ACTN2: variants seen among roughly 807,000 people sequenced by gnomAD.
ACTN2 encodes alpha-actinin-2.
A neutral mutation model predicts 113.8 loss-of-function variants in ACTN2; 39 were observed. The observed-to-expected ratio is 0.34, with a 90% CI of 0.27 to 0.45. ACTN2 has a LOEUF of 0.45. Among genes scored for constraint, ACTN2 ranks in the 20% least tolerant of loss-of-function variants. The pLI is 1.00. For missense variants in ACTN2, 992 were observed against 1,177.9 expected (o/e 0.84, Z 2.31); for synonymous variants, 429 against 444.1 (o/e 0.97, Z 0.43).
intron 1 of ACTN2, among the ~76,000 whole-genome samples, chr1:236,709,283 T>C (rs1270035780): frequency 7.1e-6 from 1 of 140,484 alleles, no homozygotes; most frequent in East Asian, 2.0e-4. Context: ...TATATATGTA[T>C]ATATATGTAT....
At chr1:236,744,520 C>T in intron 11 of ACTN2, 106 bp from the exon 12 acceptor site, 1 of 1,383,750 alleles carries the variant, frequency 7.2e-7, no homozygotes, top group Non-Finnish European at 1.0e-6. Context: ...TCTCTGTCCC[C>T]TTCTCTTGGT....
chr1:236,718,027 C>G, intron 2 of ACTN2, 55 bp downstream of exon 2: 1 of 1,371,078 alleles, frequency 7.3e-7, no homozygotes, highest in Non-Finnish European at 1.0e-6. Context: ...AGGTGAGCAT[C>G]TATTTAAAGA....
chr1:236,738,756 C>T (rs1017367868), intron 9 of ACTN2, among the ~76,000 whole-genome samples: 1 of 152,168 alleles, frequency 6.6e-6, no homozygotes, highest in African/African-American at 2.4e-5. Flanking sequence ...CTACCACGTT[C>T]GCTTTTATCA....
intron 1 of ACTN2, among the ~76,000 whole-genome samples, chr1:236,694,483 A>G (rs2102861599): frequency 6.6e-6 from 1 of 152,040 alleles, no homozygotes; most frequent in African/African-American, 2.4e-5. Flanking sequence ...TCGACCTCAC[A>G]AAGTGCTGGG....
intron 18 of ACTN2, among the ~76,000 whole-genome samples, chr1:236,759,452 TC>T (rs1359008175): frequency 3.9e-5 from 6 of 152,330 alleles, no homozygotes; most frequent in Admixed American, 1.3e-4. Flanking sequence ...AGTAGTGAGC[TC>T]CTGACTAGTT....
intron 11 of ACTN2, 118 bp downstream of exon 11, chr1:236,743,161 G>A (rs1043989907): frequency 1.7e-5 from 21 of 1,260,090 alleles, no homozygotes; most frequent in Middle Eastern, 1.8e-4. Flanking sequence ...GGTAGGTGTC[G>A]TCACCTTTCT....
chr1:236,748,037 T>C (rs1302525499), intron 13 of ACTN2: 1 of 435,348 alleles, frequency 2.3e-6, no homozygotes, highest in Admixed American at 3.5e-5. Flanking sequence ...TAAATCTACT[T>C]TGTATCTGGT....
chr1:236,761,848 A>G (rs764671995), intron 20 of ACTN2, among the ~76,000 whole-genome samples: 54 of 152,190 alleles, frequency 3.5e-4, no homozygotes, highest in Non-Finnish European at 5.9e-4. Flanking sequence ...TAACAGAGCC[A>G]TATTTATTAC....
chr1:236,749,875 C>T (rs556585009), intron 14 of ACTN2, among the ~76,000 whole-genome samples: 3 of 152,292 alleles, frequency 2.0e-5, no homozygotes, highest in Non-Finnish European at 4.4e-5. Flanking sequence ...AACATATGTG[C>T]TCTTGGAGTT....
rs3831321 is a variant in ACTN2, at chr1:236,761,432, CGTGTGT to C, written c.2526+280_2526+285del. On this transcript the variant is annotated intron_variant, in intron 20 of 20. Coordinates refer to ENST00000366578, the MANE Select transcript of ACTN2 (RefSeq NM_001103.4). ...AGGGACAAGAGTGTATTTGTACTTG[CGTGTGT>C]GTGTGTGTGTGTGTGTGTGTATGTG... Among the ~76,000 whole-genome samples the C allele has an allele frequency of 0.51, 76,194 of 150,494 alleles. 22,521 individuals are homozygous for C. Among genetic ancestry groups the C allele is most frequent in the Non-Finnish European group, 0.67 (45,127 of 67,514 alleles).
chr1:236,709,358 A>G (rs1488075159), intron 1 of ACTN2, among the ~76,000 whole-genome samples: 2 of 131,468 alleles, frequency 1.5e-5, no homozygotes, highest in Non-Finnish European at 3.1e-5. Flanking sequence ...ATATATATAT[A>G]CGTGTGTGTG....
intron 4 of ACTN2, among the ~76,000 whole-genome samples, chr1:236,722,374 C>T (rs756008237): frequency 2.0e-5 from 3 of 152,074 alleles, no homozygotes; most frequent in Non-Finnish European, 2.9e-5. Context: ...CGGTGGCTCA[C>T]GCCTGTAACC....
In ACTN2 at chr1:236,754,129, C is replaced by T; in HGVS notation, c.1974+48C>T. Reference sequence around the variant, plus strand: ...GCTGTTCACAAGCCTTGCGATAAGTCCCTTTAGCCACGCAGCAGTGACACC... The same window carrying T: ...GCTGTTCACAAGCCTTGCGATAAGTTCCTTTAGCCACGCAGCAGTGACACC... On this transcript the variant is annotated intron_variant, in intron 16 of 20. Coordinates refer to ENST00000366578, the MANE Select transcript of ACTN2 (RefSeq NM_001103.4). This position sits in a 1 kb window ranked among gnomAD's most constrained non-coding sequence, Gnocchi z 4.9. The T allele has an allele frequency of 1.2e-6, 2 of 1,608,998 alleles. No individual in the cohort carries two copies. Among genetic ancestry groups the T allele is most frequent in the Non-Finnish European group, 8.5e-7 (1 of 1,179,760 alleles).
chr1:236,760,668 G>A (rs992864109), intron 19 of ACTN2, among the ~76,000 whole-genome samples: 2 of 152,182 alleles, frequency 1.3e-5, no homozygotes, highest in Admixed American at 6.5e-5. Flanking sequence ...TGGCAGCATC[G>A]CTTTCCTAGT....
At chr1:236,702,381 G>C (rs146866701) in intron 1 of ACTN2, among the ~76,000 whole-genome samples, 53 of 152,092 alleles carry the variant, frequency 3.5e-4, no homozygotes, top group Middle Eastern at 3.2e-3. Flanking sequence ...AAATAATTGC[G>C]TAAGAAATAC....
intron 5 of ACTN2, among the ~76,000 whole-genome samples, chr1:236,727,317 C>T (rs561179268): frequency 9.9e-5 from 15 of 152,200 alleles, no homozygotes; most frequent in African/African-American, 3.1e-4. Context: ...ATTTATTGGG[C>T]AGACTCAGGG....
At chr1:236,761,269 G>C in intron 20 of ACTN2, 96 bp downstream of exon 20, 4 of 1,436,644 alleles carry the variant, frequency 2.8e-6, no homozygotes, top group Non-Finnish European at 3.9e-6. Flanking sequence ...CCATTTTTAT[G>C]CCGGTGTATT....
rs1162316367 is a variant in ACTN2 at position 236,694,027 on chromosome 1, A to C, written c.126+7228A>C. On this transcript the variant is annotated intron_variant, in intron 1 of 20. Transcript: ENST00000366578. The stretch of plus-strand genomic sequence containing the variant: ...ACTCGAGCCCTTGTCTCTTCCATAG[A>C]CCCTCCCTCCTCCACCTATCTTAGT... Among the ~76,000 whole-genome samples, 6 of 149,936 alleles carry C rather than the reference A, an allele frequency of 4.0e-5. No homozygotes were observed. In the East Asian group the frequency reaches 9.9e-4, roughly 25 times the overall value.
At chr1:236,718,786 G>A (rs760113351) in intron 2 of ACTN2, 108 bp from the exon 3 acceptor site, 7 of 1,497,734 alleles carry the variant, frequency 4.7e-6, no homozygotes, top group Non-Finnish European at 4.6e-6. Context: ...AAATAGTCAT[G>A]TAACCTTCTC....
Sources: allele counts gnomAD v4.1 joint callset (sites outside exome capture counted in the v4.1 genomes callset), GRCh38; gene constraint gnomAD v4.1.1; non-coding constraint Gnocchi (gnomAD v3.1); transcripts MANE v1.5; gene names NCBI Gene and HGNC (gene_info 2026-07-23, HGNC 2026-07-21).